FCRL6: variants seen among roughly 807,000 people sequenced by gnomAD.
The protein encoded by FCRL6 is Fc receptor like 6.
A neutral mutation model predicts 49.1 loss-of-function variants in FCRL6; 50 were observed. The ratio of observed to expected loss-of-function variants is 1.02; its 90% CI spans 0.81 to 1.29. FCRL6 has a LOEUF of 1.29. Among genes scored for constraint, FCRL6 ranks in the 50% most tolerant of loss-of-function variants. The pLI, the probability that FCRL6 is intolerant of heterozygous loss-of-function variation, is 0.00. For missense variants in FCRL6, 571 were observed against 518.5 expected (o/e 1.10, Z -0.98); for synonymous variants, 213 against 199.6 (o/e 1.07, Z -0.57).
Position 159,813,549 on chromosome 1 carries a change from C to G in FCRL6, c.1070C>G (p.Ala357Gly). Residue 357 changes from alanine to glycine, a missense_variant, in exon 7 of 10, where the codon GCC becomes GGC. Ala to Gly is a moderately conservative substitution (Grantham distance 60). Coordinates refer to ENST00000368106, the MANE Select transcript of FCRL6 (RefSeq NM_001004310.3). Reference protein sequence around the residue: ...APGGEQCPLYANVHHQKGKDE... With the variant: ...APGGEQCPLYGNVHHQKGKDE... Reference sequence around the variant, plus strand: ...GGTGGAGAGCAGTGCCCACTATATGCCAACGGTAAGGACTTCCAGCAGGAT... The same window carrying G: ...GGTGGAGAGCAGTGCCCACTATATGGCAACGGTAAGGACTTCCAGCAGGAT... The G allele has an allele frequency of 1.2e-6, 2 of 1,613,866 alleles. No homozygotes were observed. The highest frequency in any genetic ancestry group is 1.7e-6 in the Non-Finnish European group (2 of 1,179,750).
chr1:159,812,420 G>A (rs1663143197), intron 6 of FCRL6, among the ~76,000 whole-genome samples: 1 of 152,172 alleles, frequency 6.6e-6, no homozygotes, highest in East Asian at 1.9e-4. Context: ...TAGAACATTT[G>A]ACCAATGATG....
chr1:159,813,461 C>A, intron 6 of FCRL6, 28 bp from the exon 7 acceptor site: 1 of 1,602,440 alleles, frequency 6.2e-7, no homozygotes, highest in Non-Finnish European at 8.6e-7. Flanking sequence ...AAGGGACACC[C>A]AGTGAATCAT....
chr1:159,807,348 C>T (rs1662758883), intron 2 of FCRL6, among the ~76,000 whole-genome samples: 1 of 152,162 alleles, frequency 6.6e-6, no homozygotes, highest in Non-Finnish European at 1.5e-5. Flanking sequence ...GCTCAGAAGG[C>T]TGTCTGGGAA....
chr1:159,815,347 T>C (rs1160791393), intron 8 of FCRL6, 81 bp from the exon 9 acceptor site: 5 of 1,484,490 alleles, frequency 3.4e-6, no homozygotes, highest in Non-Finnish European at 4.6e-6. Flanking sequence ...TAGAGGAAGA[T>C]AGCCAGCCAG....
chr1:159,807,860 T>C (rs887191739), intron 2 of FCRL6, among the ~76,000 whole-genome samples: 7 of 146,084 alleles, frequency 4.8e-5, no homozygotes, highest in Admixed American at 1.4e-4. Context: ...GAAAGTGCAA[T>C]ATAAAAGAAG....
chr1:159,810,303 C>T (rs1663018162), intron 6 of FCRL6, 87 bp downstream of exon 6: 2 of 1,483,462 alleles, frequency 1.3e-6, no homozygotes, highest in Non-Finnish European at 1.8e-6. Flanking sequence ...CTGACAGGAC[C>T]AGCCACTCTC....
intron 7 of FCRL6, 21 bp from the exon 8 acceptor site, chr1:159,814,200 A>C: frequency 1.9e-6 from 3 of 1,610,256 alleles, no homozygotes; most frequent in Non-Finnish European, 2.5e-6. Context: ...GATCCTATTT[A>C]AGCCTCATTC....
intron 6 of FCRL6, among the ~76,000 whole-genome samples, chr1:159,812,538 C>T (rs138785454): frequency 2.0e-5 from 3 of 152,304 alleles, no homozygotes; most frequent in African/African-American, 7.2e-5. Context: ...CTTTTACTAC[C>T]AGTTGTCACA....
chr1:159,803,818 G>C (rs1018649443), intron 1 of FCRL6, among the ~76,000 whole-genome samples: 1 of 152,128 alleles, frequency 6.6e-6, no homozygotes, highest in Non-Finnish European at 1.5e-5. Context: ...TGATGCTCAG[G>C]GACCCTGGAA....
Position 159,809,617 on chromosome 1 carries a change from T to C in FCRL6, c.820T>C (p.Tyr274His). 1.2e-6 allele frequency: 2 copies of C among 1,614,170 alleles called. No individual in the cohort carries two copies. The highest frequency in any genetic ancestry group is 1.7e-6 in the Non-Finnish European group (2 of 1,180,004). The change falls in exon 5 of 10, where the codon TAC becomes CAC. Residue 274 changes from tyrosine to histidine, a missense_variant. Physicochemically the swap from Tyr to His is moderately conservative, Grantham distance 83. Transcript: ENST00000368106. ...GAAGTCAGAACAGGATGCTGGGAAC[T>C]ACTCCTGCGAGGCTGAGAACAGTGT... ...PVKSEQDAGN[Y>H]SCEAENSVSR...
chr1:159,811,631 C>A (rs972225716), intron 6 of FCRL6, among the ~76,000 whole-genome samples: 1 of 152,206 alleles, frequency 6.6e-6, no homozygotes, highest in African/African-American at 2.4e-5. Flanking sequence ...CTTCCTCTCC[C>A]CTTTTGAATA....
intron 6 of FCRL6, among the ~76,000 whole-genome samples, chr1:159,810,425 A>G (rs1663024866): frequency 6.6e-6 from 1 of 152,354 alleles, no homozygotes. Context: ...ACTTGCTCAC[A>G]TGCTCACAGT....
intron 2 of FCRL6, 152 bp downstream of exon 2, chr1:159,806,768 A>G: frequency 1.2e-6 from 1 of 806,610 alleles, no homozygotes; most frequent in East Asian, 2.4e-5. Context: ...GCCAGTTCCT[A>G]GGAAAAGGAG....
upstream of FCRL6, among the ~76,000 whole-genome samples, chr1:159,801,170 A>T (rs1253060390): frequency 6.6e-6 from 1 of 152,238 alleles, no homozygotes; most frequent in African/African-American, 2.4e-5. Context: ...GGAACATTGA[A>T]TAATTTCCAG....
At position 159,808,957 on chromosome 1, in the gene FCRL6, C is replaced by G. The variant is rs1349365010; in HGVS notation, c.320-4C>G. On this transcript the variant is annotated splice_region_variant and splice_polypyrimidine_tract_variant and intron_variant, in intron 3 of 9. Transcript: ENST00000368106. ...TCCTGAGTCCTGGGCCTGCATCTCC[C>G]CAGAGCTGTTTCCACCTCCTGTGCT... The G allele has an allele frequency of 1.3e-6, 2 of 1,598,906 alleles. No individual in the cohort carries two copies. The highest frequency in any genetic ancestry group is 1.7e-6 in the Non-Finnish European group (2 of 1,171,870).
chr1:159,809,706 G>A, intron 5 of FCRL6, 23 bp downstream of exon 5: 1 of 1,606,800 alleles, frequency 6.2e-7, no homozygotes, highest in South Asian at 1.1e-5. Flanking sequence ...CTCCAACAGA[G>A]CTTTGAGCCC....
In FCRL6 at chr1:159,809,700, A is replaced by C. The variant is rs541497502; in HGVS notation, c.886+17A>C. ...CTCTGAAGGGTGTGTTTTGTTCTCC[A>C]ACAGAGCTTTGAGCCCCAGCAAGCT... On this transcript the variant is annotated intron_variant, in intron 5 of 9. Coordinates refer to ENST00000368106, the MANE Select transcript of FCRL6 (RefSeq NM_001004310.3). 6.2e-7 allele frequency: 1 copy of C among 1,610,284 alleles called. No individual in the cohort carries two copies. Among genetic ancestry groups the C allele is most frequent in the Non-Finnish European group, 8.5e-7 (1 of 1,178,228 alleles).
rs766499200 is a variant in FCRL6 at position 159,809,268 on chromosome 1, A to G, written c.604+23A>G. The G allele has an allele frequency of 2.6e-6, 4 of 1,533,244 alleles. No individual in the cohort carries two copies. The Admixed American group carries it at 6.3e-5, about 24-fold the overall frequency. 95.0% of individuals were successfully genotyped at this position (1,533,244 alleles called of 1,614,324 possible). A position where few individuals can be genotyped will look rare whatever the true frequency, so the allele number is the denominator to read the frequency against. ...AGGGTAAGTGCGCGAGAGAGTGGAG[A>G]TGCCCCCAGGGCCCTGGGCGTCAGG... On this transcript the variant is annotated intron_variant, in intron 4 of 9. Coordinates refer to ENST00000368106, the MANE Select transcript of FCRL6 (RefSeq NM_001004310.3).
intron 7 of FCRL6, among the ~76,000 whole-genome samples, 175 bp downstream of exon 7, chr1:159,813,729 TG>T: frequency 6.6e-6 from 1 of 151,456 alleles, no homozygotes; most frequent in Non-Finnish European, 1.5e-5. Context: ...GAGCTGGTGG[TG>T]GGAGAAGGGG....
Sources: allele counts gnomAD v4.1 joint callset (sites outside exome capture counted in the v4.1 genomes callset), GRCh38; gene constraint gnomAD v4.1.1; transcripts MANE v1.5; gene names NCBI Gene and HGNC (gene_info 2026-07-23, HGNC 2026-07-21).